Variants in GPR107 observed in about 807,000 individuals in gnomAD.
The protein encoded by GPR107 is protein GPR107.
In GPR107, 31 loss-of-function variants were observed where a neutral mutation model predicts 75.5. The ratio of observed to expected loss-of-function variants is 0.41; its 90% confidence interval spans 0.31 to 0.55. GPR107 has a LOEUF of 0.55. GPR107 is among the 20% of genes least tolerant of loss of function. The pLI is 0.26. For synonymous variants in GPR107, 267 were observed against 251.3 expected (o/e 1.06, Z -0.59); for missense variants, 572 against 665.7 (o/e 0.86, Z 1.55).
chr9:130,114,742 G>T, intron 14 of GPR107: 1 of 995,966 alleles, frequency 1.0e-6, no homozygotes, highest in South Asian at 3.3e-5. Flanking sequence ...AAAAACTTGG[G>T]GTCTTTAGGA....
At chr9:130,104,585 G>C (rs749674515) in intron 13 of GPR107, 35 bp downstream of exon 13, 2 of 1,596,408 alleles carry the variant, frequency 1.3e-6, no homozygotes, top group Non-Finnish European at 1.7e-6. Flanking sequence ...CCACATGACA[G>C]CTTGGCTGTC....
intron 1 of GPR107, among the ~76,000 whole-genome samples, chr9:130,066,780 T>C (rs536732227): frequency 1.4e-4 from 22 of 152,086 alleles, no homozygotes; most frequent in African/African-American, 5.1e-4. Flanking sequence ...GGTCAGGAGA[T>C]CGAGACCATC....
At chr9:130,114,878 T>G (rs1232205620) in intron 14 of GPR107, among the ~76,000 whole-genome samples, 3 of 152,248 alleles carry the variant, frequency 2.0e-5, no homozygotes, top group African/African-American at 7.2e-5. Flanking sequence ...CTGGTTCTTC[T>G]CTTCCTTTGC....
rs931453279 is a variant in GPR107 at position 130,103,465 on chromosome 9, G to A, written c.1132-955G>A. ...TCTTCAAAAGGATGTATTATAAGTGGTAAATTTCCCTTATGCTCTGTGGCA... is the reference window on the plus strand; with the variant it reads ...TCTTCAAAAGGATGTATTATAAGTGATAAATTTCCCTTATGCTCTGTGGCA... On this transcript the variant is annotated intron_variant, in intron 12 of 17. Coordinates refer to ENST00000347136, the MANE Select transcript of GPR107 (RefSeq NM_020960.5). This position sits in a 1 kb window ranked among gnomAD's most constrained non-coding sequence, Gnocchi z 4.3. 3.9e-5 allele frequency among the ~76,000 whole-genome samples: 6 copies of A among 152,146 alleles called. No individual in the cohort carries two copies. Among genetic ancestry groups the A allele is most frequent in the African/African-American group, 1.4e-4 (6 of 41,430 alleles).
intron 14 of GPR107, chr9:130,108,843 T>C (rs1416462959): frequency 1.1e-5 from 3 of 271,428 alleles, no homozygotes; most frequent in African/African-American, 5.6e-5. Context: ...AAGCAGGTTC[T>C]TTTCAGTGGC....
intron 14 of GPR107, chr9:130,110,383 A>G: frequency 6.5e-7 from 1 of 1,537,742 alleles, no homozygotes. Context: ...ACAGCATGGG[A>G]CCTCTTCAGC....
chr9:130,108,129 T>G, intron 14 of GPR107, among the ~76,000 whole-genome samples: 1 of 152,354 alleles, frequency 6.6e-6, no homozygotes, highest in South Asian at 2.1e-4. Context: ...CTGGGCTTAT[T>G]TGAATAATGT....
chr9:130,071,264 C>T (rs1830204675), intron 1 of GPR107, among the ~76,000 whole-genome samples: 2 of 150,982 alleles, frequency 1.3e-5, no homozygotes, highest in South Asian at 2.1e-4. Context: ...TGGGCTCAAG[C>T]AGTCTGCCTG....
chr9:130,069,984 CTTTT>C (rs1045979986), intron 1 of GPR107, among the ~76,000 whole-genome samples: 6 of 45,422 alleles, frequency 1.3e-4, no homozygotes, highest in Admixed American at 3.3e-4. Flanking sequence ...TGCCTGGCCT[CTTTT>C]TTTTTTTTTT....
At chr9:130,078,896 G>A (rs545518268) in intron 4 of GPR107, among the ~76,000 whole-genome samples, 7 of 152,316 alleles carry the variant, frequency 4.6e-5, no homozygotes, top group Admixed American at 3.9e-4. Context: ...GGGGAAGGGT[G>A]GAAATGGATA....
intron 14 of GPR107, among the ~76,000 whole-genome samples, chr9:130,118,668 T>C (rs1003354067): frequency 1.3e-5 from 2 of 151,660 alleles, no homozygotes; most frequent in Non-Finnish European, 2.9e-5. Context: ...CCCCGTCTCC[T>C]CCTTTTCTCT....
At chr9:130,082,205 A>C (rs1042408682) in intron 5 of GPR107, among the ~76,000 whole-genome samples, 3 of 152,128 alleles carry the variant, frequency 2.0e-5, no homozygotes, top group African/African-American at 7.2e-5. Context: ...CACATCCAAC[A>C]CTGGGGACTG....
chr9:130,104,437 C>T lies in GPR107; in HGVS notation c.1149C>T (p.Ala383=). 6.2e-7 allele frequency: 1 copy of T among 1,613,740 alleles called. No individual in the cohort carries two copies. The highest frequency in any genetic ancestry group is 8.5e-7 in the Non-Finnish European group (1 of 1,179,704). The part of the protein sequence containing the change: ...VIPLQVLANV[A]YIIIESTEEG... ...GTCTGTAGGTCCTGGCAAATGTAGC[C>T]TACATCATCATAGAGTCCACCGAGG... The change falls in exon 13 of 18, where the codon GCC becomes GCT. Residue 383 remains alanine, a synonymous_variant. Coordinates refer to ENST00000347136, the MANE Select transcript of GPR107 (RefSeq NM_020960.5).
intron 6 of GPR107, among the ~76,000 whole-genome samples, chr9:130,085,721 G>A (rs1230816764): frequency 7.9e-6 from 1 of 126,448 alleles, no homozygotes; most frequent in African/African-American, 2.9e-5. Flanking sequence ...TCTTTTCATT[G>A]CTCAGTTTTA....
At chr9:130,098,166 G>A (rs902518991) in intron 9 of GPR107, among the ~76,000 whole-genome samples, 2 of 152,206 alleles carry the variant, frequency 1.3e-5, no homozygotes, top group Non-Finnish European at 2.9e-5. Context: ...ACAGGCATGA[G>A]CCACTGCACC....
chr9:130,070,163 A>ATTTT (rs559425211), intron 1 of GPR107, among the ~76,000 whole-genome samples: 3 of 125,010 alleles, frequency 2.4e-5, no homozygotes, highest in African/African-American at 8.9e-5. Context: ...CACCCGGCTA[A>ATTTT]TTTTTTTTTT....
chr9:130,109,567 C>CTT (rs1554896235), intron 14 of GPR107, among the ~76,000 whole-genome samples: 1 of 26,234 alleles, frequency 3.8e-5, no homozygotes. Flanking sequence ...TAGTCTTTTT[C>CTT]TTTCTTTTTT....
intron 17 of GPR107, 81 bp downstream of exon 17, chr9:130,128,842 G>GTGA: frequency 7.6e-7 from 1 of 1,313,746 alleles, no homozygotes; most frequent in East Asian, 2.3e-5. Flanking sequence ...CGGGTCGGCT[G>GTGA]CTCTCAGCAT....
chr9:130,133,392 C>G (rs1831877116), intron 17 of GPR107, among the ~76,000 whole-genome samples: 1 of 152,186 alleles, frequency 6.6e-6, no homozygotes, highest in Non-Finnish European at 1.5e-5. Flanking sequence ...TAACAAGATG[C>G]AGTAACCATA....
Sources: allele counts gnomAD v4.1 joint callset (sites outside exome capture counted in the v4.1 genomes callset), GRCh38; gene constraint gnomAD v4.1.1; non-coding constraint Gnocchi (gnomAD v3.1); transcripts MANE v1.5; gene names NCBI Gene and HGNC (gene_info 2026-07-23, HGNC 2026-07-21).